Variants in DAB2 observed in about 807,000 individuals in gnomAD.
The protein encoded by DAB2 is DAB adaptor protein 2.
In DAB2, 28 loss-of-function variants were observed where a neutral mutation model predicts 71.6. That is an observed-to-expected ratio of 0.39 (90% CI 0.29 to 0.54). The LOEUF (loss-of-function observed/expected upper bound fraction) is 0.54, where lower values mean the gene tolerates loss of function less well. DAB2 is among the 20% of genes least tolerant of loss of function. DAB2 has a pLI of 0.68. For missense variants in DAB2, 867 were observed against 928.8 expected (o/e 0.93, Z 0.86); for synonymous variants, 345 against 339.7 (o/e 1.02, Z -0.17).
At chr5:39,409,154 G>C (rs1016915099) in intron 1 of DAB2, among the ~76,000 whole-genome samples, 15 of 151,384 alleles carry the variant, frequency 9.9e-5, no homozygotes, top group Admixed American at 9.2e-4. Context: ...ACTCTAAAAA[G>C]CTGCTGCAGA....
chr5:39,413,027 A>G (rs1345987814), intron 1 of DAB2, among the ~76,000 whole-genome samples: 1 of 152,158 alleles, frequency 6.6e-6, no homozygotes, highest in Non-Finnish European at 1.5e-5. Flanking sequence ...AAACTGGATT[A>G]GGGTGGGCGA....
At chr5:39,391,667 C>T (rs184899743) in intron 4 of DAB2, among the ~76,000 whole-genome samples, 21 of 152,064 alleles carry the variant, frequency 1.4e-4, no homozygotes, top group African/African-American at 4.8e-4. Flanking sequence ...TATGATGTTA[C>T]ATTGAGTACA....
chr5:39,406,765 C>A (rs1183063333), intron 1 of DAB2, among the ~76,000 whole-genome samples: 1 of 152,142 alleles, frequency 6.6e-6, no homozygotes, highest in Non-Finnish European at 1.5e-5. Flanking sequence ...ATATTTCATT[C>A]TGCTTCCCTC....
Position 39,375,020 on chromosome 5 carries a change from TA to T in DAB2, c.2311del (p.Ter771LysfsTer3), listed in dbSNP as rs1561363581. The T allele has an allele frequency of 6.2e-7, 1 of 1,607,434 alleles. No individual in the cohort carries two copies. Among genetic ancestry groups the T allele is most frequent in the Non-Finnish European group, 8.5e-7 (1 of 1,174,720 alleles). On this transcript the variant is annotated frameshift_variant and stop_lost, in exon 14 of 15. Transcript: ENST00000320816. LOFTEE classifies it high-confidence loss of function. ...YRDPFGNPFA[*>X] The stretch of plus-strand genomic sequence containing the variant: ...ATTAGGATCTTCTACTTACAGAATT[TA>T]GGCAAAAGGATTTCCAAATGGATCC...
At chr5:39,414,796 A>G (rs182075789) in intron 1 of DAB2, among the ~76,000 whole-genome samples, 3 of 152,270 alleles carry the variant, frequency 2.0e-5, no homozygotes, top group Admixed American at 2.0e-4. Flanking sequence ...CTCACTCTAT[A>G]ATAAATTGCA....
At chr5:39,399,068 G>T (rs879522409) in intron 1 of DAB2, among the ~76,000 whole-genome samples, 2 of 152,108 alleles carry the variant, frequency 1.3e-5, no homozygotes, top group African/African-American at 4.8e-5. Context: ...TTCCAAACTG[G>T]GGCTCTGTTG....
chr5:39,393,459 C>T, intron 2 of DAB2, 66 bp from the exon 3 acceptor site: 3 of 1,518,772 alleles, frequency 2.0e-6, no homozygotes, highest in South Asian at 1.2e-5. Flanking sequence ...ATGCTCTAGA[C>T]TCTCCAAAAT....
rs1755308249 is a variant in DAB2 at position 39,394,383 on chromosome 5, A to T, written c.-63T>A. On this transcript the variant is annotated 5_prime_UTR_variant, in exon 2 of 15. Coordinates refer to ENST00000320816, the MANE Select transcript of DAB2 (RefSeq NM_001343.4). ...CACTTGGTGACACCAGGCGATCCCG[A>T]TGGAGAAGTCTCAAATAAACATAAC... The T allele has an allele frequency of 1.6e-6, 2 of 1,252,730 alleles. No individual in the cohort carries two copies. Among genetic ancestry groups the T allele is most frequent in the African/African-American group, 2.9e-5 (2 of 67,830 alleles). 77.6% of individuals were successfully genotyped at this position (1,252,730 alleles called of 1,614,324 possible).
chr5:39,414,182 G>T (rs1755795998), intron 1 of DAB2, among the ~76,000 whole-genome samples: 1 of 152,050 alleles, frequency 6.6e-6, no homozygotes, highest in Admixed American at 6.6e-5. Flanking sequence ...GAAATGCTGG[G>T]GTCTGTGCAG....
chr5:39,399,302 C>T (rs1290294555), intron 1 of DAB2, among the ~76,000 whole-genome samples: 1 of 152,172 alleles, frequency 6.6e-6, no homozygotes, highest in African/African-American at 2.4e-5. Context: ...CAAATGAAAG[C>T]TCAAAAACAT....
intron 7 of DAB2, 44 bp from the exon 8 acceptor site, chr5:39,388,896 T>A: frequency 6.5e-7 from 1 of 1,533,402 alleles, no homozygotes; most frequent in Non-Finnish European, 9.0e-7. Context: ...GAGCTTTGTC[T>A]ATAAAATGTA....
chr5:39,393,624 T>A (rs1308485330), intron 2 of DAB2, among the ~76,000 whole-genome samples: 1 of 152,132 alleles, frequency 6.6e-6, no homozygotes, highest in East Asian at 1.9e-4. Context: ...AGTACAAAAT[T>A]GACAGCGTTA....
chr5:39,384,154 G>A (rs894444026), intron 9 of DAB2, among the ~76,000 whole-genome samples: 2 of 152,180 alleles, frequency 1.3e-5, no homozygotes, highest in African/African-American at 2.4e-5. Flanking sequence ...AGTGGTTAAA[G>A]TCAACCAACA....
Position 39,383,064 on chromosome 5 carries a change from G to T in DAB2, c.895C>A (p.Pro299Thr). ...GTCGATTGGTCTGGCTGTGTGAAAGGATCGTCACGGAAAGGATCAGGATTA... is the reference window on the plus strand; with the variant it reads ...GTCGATTGGTCTGGCTGTGTGAAAGTATCGTCACGGAAAGGATCAGGATTA... Reference protein sequence around the residue: ...TPNPDPFRDDPFTQPDQSTPS... With the variant: ...TPNPDPFRDDTFTQPDQSTPS... The change falls in exon 10 of 15, where the codon CCT becomes ACT. Residue 299 changes from proline (P) to threonine (T), a missense_variant. By Grantham distance (38) the Pro-to-Thr change is conservative. Coordinates refer to ENST00000320816, the MANE Select transcript of DAB2 (RefSeq NM_001343.4). 2 of 1,614,112 alleles carry T rather than the reference G, an allele frequency of 1.2e-6. No individual in the cohort carries two copies. Among genetic ancestry groups the T allele is most frequent in the Non-Finnish European group, 1.7e-6 (2 of 1,180,012 alleles).
At position 39,395,946 on chromosome 5, in the gene DAB2, T is replaced by TTTTTTTTTTTTG; in HGVS notation, c.-101-1526_-101-1525insCAAAAAAAAAAA. The stretch of plus-strand genomic sequence containing the variant: ...CTAAGACACAGATATTCTTTTTTTT[T>TTTTTTTTTTTTG]TTTTTTTTTTTTTTGAGACGGAGTC... On this transcript the variant is annotated intron_variant, in intron 1 of 14. Coordinates refer to ENST00000320816, the MANE Select transcript of DAB2 (RefSeq NM_001343.4). Among the ~76,000 whole-genome samples, 2 of 122,596 alleles carry TTTTTTTTTTTTG rather than the reference T, an allele frequency of 1.6e-5. 1 individual carries two copies. The highest frequency in any genetic ancestry group is 1.7e-4 in the Admixed American group (2 of 11,830). 80.4% of individuals were successfully genotyped at this position (122,596 alleles called of 152,430 possible). A position where few individuals can be genotyped will look rare whatever the true frequency, so the allele number is the denominator to read the frequency against.
At chr5:39,423,673 AT>A (rs1225856504) in intron 1 of DAB2, 2 of 152,126 alleles carry the variant, frequency 1.3e-5, no homozygotes, top group Admixed American at 6.6e-5. Flanking sequence ...TTCCACTCCC[AT>A]TACTTCTGTT....
At chr5:39,409,099 G>C (rs755716977) in intron 1 of DAB2, among the ~76,000 whole-genome samples, 13 of 151,098 alleles carry the variant, frequency 8.6e-5, no homozygotes, top group Non-Finnish European at 1.8e-4. Flanking sequence ...CCAATAGTTA[G>C]CCTACCTGCT....
At chr5:39,400,062 G>C (rs1755460880) in intron 1 of DAB2, among the ~76,000 whole-genome samples, 1 of 152,182 alleles carries the variant, frequency 6.6e-6, no homozygotes, top group Non-Finnish European at 1.5e-5. Flanking sequence ...TGCTTTGCCA[G>C]TCTCAAAATG....
chr5:39,376,376 A>G (rs1754830701), intron 12 of DAB2, among the ~76,000 whole-genome samples: 1 of 152,180 alleles, frequency 6.6e-6, no homozygotes, highest in Admixed American at 6.5e-5. Context: ...CAGCCCTCCA[A>G]GAGTCACCAG....
Sources: gnomAD v4.1 joint callset for allele counts (sites outside exome capture counted in the v4.1 genomes callset) on GRCh38, gnomAD v4.1.1 for gene constraint, MANE v1.5 for transcripts, NCBI Gene and HGNC (gene_info 2026-07-23, HGNC 2026-07-21) for gene names.